EHBP1: variants seen among roughly 807,000 people sequenced by gnomAD.
EHBP1 encodes the protein EH domain-binding protein 1.
EHBP1 carries 55 observed loss-of-function variants against 144.0 expected under a neutral mutation model. That is an observed-to-expected ratio of 0.38 (90% CI 0.31 to 0.48). The LOEUF (loss-of-function observed/expected upper bound fraction) is 0.48, where lower values mean the gene tolerates loss of function less well. EHBP1 is among the 20% of genes least tolerant of loss of function. EHBP1 has a pLI of 0.98. For missense variants in EHBP1, 1,200 were observed against 1,364.2 expected (o/e 0.88, Z 1.90); for synonymous variants, 469 against 472.7 (o/e 0.99, Z 0.10).
chr2:63,026,408 A>C (rs2060986482), intron 19 of EHBP1, among the ~76,000 whole-genome samples: 1 of 151,868 alleles, frequency 6.6e-6, no homozygotes, highest in African/African-American at 2.4e-5. Flanking sequence ...TTACTTACAT[A>C]GCATTTATTT....
At chr2:63,029,131 C>G (rs147075963) in intron 19 of EHBP1, among the ~76,000 whole-genome samples, 2 of 151,812 alleles carry the variant, frequency 1.3e-5, no homozygotes, top group African/African-American at 4.8e-5. Context: ...GTCTCTAAAA[C>G]CCACTGTCAA....
chr2:63,027,837 T>A (rs2061048104), intron 19 of EHBP1, among the ~76,000 whole-genome samples: 2 of 152,148 alleles, frequency 1.3e-5, no homozygotes, highest in South Asian at 4.1e-4. Flanking sequence ...TCAGGGAAGA[T>A]GTTGGTGAAA....
chr2:62,985,543 G>A (rs1250041100), intron 15 of EHBP1, among the ~76,000 whole-genome samples: 1 of 152,098 alleles, frequency 6.6e-6, no homozygotes, highest in Non-Finnish European at 1.5e-5. Context: ...CCAAGTAAAA[G>A]TTAAACTTCC....
chr2:62,697,477 T>C (rs1391836643), intron 1 of EHBP1, among the ~76,000 whole-genome samples: 1 of 152,216 alleles, frequency 6.6e-6, no homozygotes, highest in Admixed American at 6.5e-5. Flanking sequence ...CCCCAGCACA[T>C]TGTCTTTTAT....
At chr2:62,903,035 G>C (rs533784099) in intron 10 of EHBP1, among the ~76,000 whole-genome samples, 27 of 152,236 alleles carry the variant, frequency 1.8e-4, no homozygotes, top group African/African-American at 6.5e-4. Context: ...GTGAGCTCTT[G>C]TAGTATGCGG....
At position 63,045,622 on chromosome 2, in the gene EHBP1, A is replaced by G. The variant is rs1162442743; in HGVS notation, c.*122A>G. 7 of 750,318 alleles carry G rather than the reference A, an allele frequency of 9.3e-6. No individual in the cohort carries two copies. In the African/African-American group the frequency reaches 1.2e-4, roughly 13 times the overall value. The allele number at this position is 750,318 out of a possible 1,614,324, so 46.5% of individuals were successfully genotyped here. ...TTGTTTGGCTGGATTGTACTACTTT[A>G]CCTCTACTTTACCACCACCACCCTT... is the stretch of plus-strand genomic sequence containing the variant. On this transcript the variant is annotated 3_prime_UTR_variant, in exon 23 of 23. Coordinates refer to ENST00000431489, the MANE Select transcript of EHBP1 (RefSeq NM_001142616.3). The surrounding 1 kb of genome is among the most constrained non-coding windows in gnomAD (Gnocchi z 5.7).
At chr2:62,980,919 T>A (rs941300630) in intron 15 of EHBP1, among the ~76,000 whole-genome samples, 1 of 150,070 alleles carries the variant, frequency 6.7e-6, no homozygotes, top group Non-Finnish European at 1.5e-5. Context: ...AAATTTTTTT[T>A]AATTAACCAG....
intron 7 of EHBP1, among the ~76,000 whole-genome samples, chr2:62,847,331 C>G (rs1326896723): frequency 6.6e-6 from 1 of 151,976 alleles, no homozygotes; most frequent in Non-Finnish European, 1.5e-5. Context: ...TAATAGCAAA[C>G]ATTAATTCAA....
At chr2:62,838,367 A>G (rs1004894056) in intron 7 of EHBP1, among the ~76,000 whole-genome samples, 1 of 151,864 alleles carries the variant, frequency 6.6e-6, no homozygotes, top group Non-Finnish European at 1.5e-5. Flanking sequence ...TTATAGCACT[A>G]AATGCCCACA....
intron 10 of EHBP1, among the ~76,000 whole-genome samples, chr2:62,882,057 G>C (rs564214828): frequency 6.6e-6 from 1 of 152,168 alleles, no homozygotes; most frequent in South Asian, 2.1e-4. Context: ...TTTTCTCAAG[G>C]ACATTGAAGT....
chr2:62,806,371 G>C (rs940832071), intron 5 of EHBP1, among the ~76,000 whole-genome samples: 3 of 149,986 alleles, frequency 2.0e-5, no homozygotes, highest in African/African-American at 7.4e-5. Context: ...CGTTTGGTTT[G>C]TTTTTTTTTG....
chr2:62,812,283 CA>C (rs199629035), intron 5 of EHBP1, among the ~76,000 whole-genome samples: 2 of 148,822 alleles, frequency 1.3e-5, no homozygotes, highest in Admixed American at 6.7e-5. Context: ...GTTACAGCAG[CA>C]AAAAAAAATG....
At chr2:62,748,691 C>T (rs936536528) in intron 3 of EHBP1, among the ~76,000 whole-genome samples, 1 of 151,920 alleles carries the variant, frequency 6.6e-6, no homozygotes, top group Non-Finnish European at 1.5e-5. Context: ...ATAAATGTGA[C>T]TATATTTTTT....
intron 5 of EHBP1, among the ~76,000 whole-genome samples, chr2:62,820,740 ATATATATATATATATAT>A (rs2045908757): frequency 3.3e-4 from 11 of 33,506 alleles, no homozygotes; most frequent in South Asian, 1.3e-3. Flanking sequence ...TGTGTATAAT[ATATATATATATATATAT>A]ATATATATAT....
chr2:62,861,414 C>T (rs1384453265), intron 8 of EHBP1, among the ~76,000 whole-genome samples: 1 of 150,846 alleles, frequency 6.6e-6, no homozygotes, highest in East Asian at 2.0e-4. Context: ...AGGCGTGAGC[C>T]ACCGCGCCCA....
chr2:62,732,074 C>T (rs1290755952), intron 2 of EHBP1, among the ~76,000 whole-genome samples: 1 of 152,086 alleles, frequency 6.6e-6, no homozygotes, highest in Non-Finnish European at 1.5e-5. Context: ...GTGAGTTTTA[C>T]CTAATTTACA....
At chr2:62,766,982 G>A (rs1470438615) in intron 4 of EHBP1, among the ~76,000 whole-genome samples, 2 of 146,534 alleles carry the variant, frequency 1.4e-5, no homozygotes, top group South Asian at 2.2e-4. Flanking sequence ...AAAAAAAAAG[G>A]TTGCATTTGG....
intron 10 of EHBP1, among the ~76,000 whole-genome samples, chr2:62,940,946 T>C (rs1309166513): frequency 6.6e-6 from 1 of 152,186 alleles, no homozygotes; most frequent in Non-Finnish European, 1.5e-5. Context: ...GATCATAATA[T>C]AGTGCTAATG....
intron 19 of EHBP1, among the ~76,000 whole-genome samples, chr2:63,013,461 A>G (rs555547919): frequency 1.1e-4 from 17 of 152,306 alleles, no homozygotes; most frequent in African/African-American, 4.1e-4. Context: ...TGTGCAGGAA[A>G]GTTTCCCACA....
Sources: allele counts gnomAD v4.1 joint callset (sites outside exome capture counted in the v4.1 genomes callset), GRCh38; gene constraint gnomAD v4.1.1; non-coding constraint Gnocchi (gnomAD v3.1); transcripts MANE v1.5; gene names NCBI Gene and HGNC (gene_info 2026-07-23, HGNC 2026-07-21).